Variants in ACAD9 observed in about 807,000 individuals in gnomAD.
ACAD9 encodes the protein complex I assembly factor ACAD9, mitochondrial.
In ACAD9, 53 loss-of-function variants were observed where a neutral mutation model predicts 70.2. That is an observed-to-expected ratio of 0.75 (90% confidence interval 0.61 to 0.95). ACAD9 has a LOEUF of 0.95. Ranked by LOEUF, ACAD9 falls within the 40% of genes least tolerant of loss-of-function variation. The probability of loss-of-function intolerance (pLI) is 0.00; values close to 1 mark genes in which losing one functional copy is unlikely to be tolerated. For missense variants in ACAD9, 777 were observed against 802.8 expected (o/e 0.97, Z 0.39); for synonymous variants, 313 against 312.1 (o/e 1.00, Z -0.03).
In ACAD9 at chr3:128,908,266, T is replaced by G. The variant is rs2107661511; in HGVS notation, c.1358+2T>G. 6.2e-7 allele frequency: 1 copy of G among 1,614,102 alleles called. No homozygotes were observed. The highest frequency in any genetic ancestry group is 8.5e-7 in the Non-Finnish European group (1 of 1,179,998). On this transcript the variant is annotated splice_donor_variant, in intron 13 of 17. Transcript: ENST00000308982. LOFTEE classifies it high-confidence loss of function. ...CCGCATCCTGACTACCAGGATCCAG[T>G]AGGTGCCATTGTCACCGTGTGCTTC...
intron 2 of ACAD9, 82 bp from the exon 3 acceptor site, chr3:128,893,473 T>G: frequency 1.8e-6 from 2 of 1,083,060 alleles, no homozygotes; most frequent in South Asian, 2.8e-5. Context: ...TATATATGAT[T>G]AATATATAAA....
At chr3:128,886,278 T>G (rs1935242710) in intron 2 of ACAD9, among the ~76,000 whole-genome samples, 1 of 151,314 alleles carries the variant, frequency 6.6e-6, no homozygotes, top group Admixed American at 6.6e-5. Context: ...AATTTTTGTA[T>G]TTTTAGTAGA....
intron 15 of ACAD9, 135 bp from the exon 16 acceptor site, chr3:128,909,886 A>G (rs1409158184): frequency 4.0e-6 from 5 of 1,246,680 alleles, no homozygotes; most frequent in Non-Finnish European, 4.6e-6. Flanking sequence ...CACAACCTGA[A>G]GAGAAAGGTG....
chr3:128,910,349 G>A (rs924756353), intron 16 of ACAD9, 200 bp downstream of exon 16: 1 of 1,469,414 alleles, frequency 6.8e-7, no homozygotes, highest in Non-Finnish European at 9.0e-7. Flanking sequence ...AGAAGAGGGG[G>A]TGAGTGACAG....
In ACAD9 at chr3:128,894,658, T is replaced by TC. The variant is rs566691437; in HGVS notation, c.347-650dup. 3.1e-3 allele frequency among the ~76,000 whole-genome samples: 462 copies of TC among 151,458 alleles called. 2 individuals are homozygous for TC. The highest frequency in any genetic ancestry group is 0.011 in the African/African-American group (441 of 41,268). ...TCAAACAATCCTCCCACCTAAGCCT[T>TC]CCAAGTAGCTGGGACTACAGGCGTG... On this transcript the variant is annotated intron_variant, in intron 3 of 17. Transcript: ENST00000308982.
Position 128,895,405 on chromosome 3 carries a change from A to G in ACAD9, c.442A>G (p.Ile148Val), listed in dbSNP as rs202119704. 1.9e-4 allele frequency: 312 copies of G among 1,608,108 alleles called. No individual in the cohort carries two copies. The highest frequency in any genetic ancestry group is 2.5e-4 in the Non-Finnish European group (291 of 1,177,302). Residue 148 changes from isoleucine to valine, a missense_variant, in exon 4 of 18, where the codon ATT becomes GTT. Transcript: ENST00000308982. Reference sequence around the variant, plus strand: ...TGTGACCCTGGCAGCGCACCAGGCTATTGGCCTCAAGGTCAGGTATCTGGG... The same window carrying G: ...TGTGACCCTGGCAGCGCACCAGGCTGTTGGCCTCAAGGTCAGGTATCTGGG... ...ITVTLAAHQA[I>V]GLKGIILAGT...
At position 128,901,288 on chromosome 3, in the gene ACAD9, A is replaced by G. The variant is rs1254578279; in HGVS notation, c.821A>G (p.His274Arg). Reference sequence around the variant, plus strand: ...TCATGTGTTTCAGCTTGTGAAGTCCATTTTGAAAACACCAAGATACCTGTG... The same window carrying G: ...TCATGTGTTTCAGCTTGTGAAGTCCGTTTTGAAAACACCAAGATACCTGTG... ...GIRGSNTCEV[H>R]FENTKIPVEN... Residue 274 changes from histidine (H) to arginine (R), a missense_variant, in exon 8 of 18, where the codon CAT becomes CGT. Transcript: ENST00000308982. 2.5e-6 allele frequency: 4 copies of G among 1,614,092 alleles called. No homozygotes were observed. Among genetic ancestry groups the G allele is most frequent in the Admixed American group, 3.3e-5 (2 of 60,006 alleles).
At chr3:128,898,900 T>C (rs1290386838) in intron 6 of ACAD9, among the ~76,000 whole-genome samples, 1 of 152,240 alleles carries the variant, frequency 6.6e-6, no homozygotes, top group Non-Finnish European at 1.5e-5. Flanking sequence ...CTTTGTAGAA[T>C]TAACAAATAA....
chr3:128,882,984 C>T (rs1258402113), intron 1 of ACAD9, among the ~76,000 whole-genome samples: 1 of 151,984 alleles, frequency 6.6e-6, no homozygotes, highest in Non-Finnish European at 1.5e-5. Flanking sequence ...GCCCATTGCA[C>T]AAGACCCAAG....
chr3:128,897,517 A>G, intron 5 of ACAD9, 115 bp from the exon 6 acceptor site: 1 of 916,530 alleles, frequency 1.1e-6, no homozygotes, highest in Admixed American at 2.0e-5. Context: ...CTGACCCTTC[A>G]TTTTAAAAGT....
At chr3:128,909,547 G>A in intron 15 of ACAD9, 126 bp downstream of exon 15, 1 of 1,050,172 alleles carries the variant, frequency 9.5e-7, no homozygotes, top group South Asian at 1.3e-5. Context: ...CACCCTGGAG[G>A]GATGGGGTGG....
rs11379527 is a variant in ACAD9 at position 128,895,232 on chromosome 3, G to GA, written c.347-68dup. On this transcript the variant is annotated intron_variant, in intron 3 of 17. Coordinates refer to ENST00000308982, the MANE Select transcript of ACAD9 (RefSeq NM_014049.5). Reference sequence around the variant, plus strand: ...ATCTGGCATTACTTTATAATCAGAAGAAAAAAAAAAGCCAATGAAGCCTTA... The same window carrying GA: ...ATCTGGCATTACTTTATAATCAGAAGAAAAAAAAAAAGCCAATGAAGCCTTA... 0.3 allele frequency: 296,113 copies of GA among 985,018 alleles called. 33,997 individuals carry two copies. The highest frequency in any genetic ancestry group is 0.7 in the African/African-American group (38,717 of 55,566). 61.0% of individuals were successfully genotyped at this position (985,018 alleles called of 1,614,324 possible). A position where few individuals can be genotyped will look rare whatever the true frequency, so the allele number is the denominator to read the frequency against.
At chr3:128,903,018 G>A (rs1935785660) in intron 9 of ACAD9, among the ~76,000 whole-genome samples, 1 of 152,194 alleles carries the variant, frequency 6.6e-6, no homozygotes, top group South Asian at 2.1e-4. Flanking sequence ...CCCAAGGTCC[G>A]TGCCTCCTGG....
intron 15 of ACAD9, 73 bp downstream of exon 15, chr3:128,909,494 G>A (rs1236704011): frequency 2.0e-6 from 3 of 1,463,848 alleles, no homozygotes; most frequent in Non-Finnish European, 2.9e-6. Context: ...ACTACTTTTT[G>A]TCAAGCATCC....
At chr3:128,904,256 T>C (rs1935824568) in intron 10 of ACAD9, 124 bp downstream of exon 10, 1 of 1,587,148 alleles carries the variant, frequency 6.3e-7, no homozygotes, top group Admixed American at 1.7e-5. Context: ...AAGGCTTTAT[T>C]TGACACGGGT....
At chr3:128,897,141 A>G (rs1479471072) in intron 5 of ACAD9, among the ~76,000 whole-genome samples, 1 of 152,174 alleles carries the variant, frequency 6.6e-6, no homozygotes, top group Non-Finnish European at 1.5e-5. Flanking sequence ...GATGTATTGA[A>G]GCAGAGGTCG....
At chr3:128,890,183 G>A (rs150454584) in intron 2 of ACAD9, among the ~76,000 whole-genome samples, 6,290 of 151,518 alleles carry the variant, frequency 0.042, 170 homozygotes, top group Non-Finnish European at 0.058. Context: ...CATCTCCCAG[G>A]TTCAAGCGAT....
Position 128,909,438 on chromosome 3 carries a change from A to G in ACAD9, c.1563+17A>G, listed in dbSNP as rs778248016. The G allele has an allele frequency of 6.2e-7, 1 of 1,613,186 alleles. No homozygotes were observed. Among genetic ancestry groups the G allele is most frequent in the Admixed American group, 1.7e-5 (1 of 60,028 alleles). On this transcript the variant is annotated intron_variant, in intron 15 of 17. Transcript: ENST00000308982. Reference sequence around the variant, plus strand: ...TTTGGCAAGGTAACCAGGCCCTCCCAGGCCTGGGTCGCAAGCGGTCCTCCA... The same window carrying G: ...TTTGGCAAGGTAACCAGGCCCTCCCGGGCCTGGGTCGCAAGCGGTCCTCCA...
chr3:128,886,304 T>C (rs1223735640), intron 2 of ACAD9, among the ~76,000 whole-genome samples: 1 of 151,810 alleles, frequency 6.6e-6, no homozygotes, highest in Non-Finnish European at 1.5e-5. Flanking sequence ...GGTTTCACTA[T>C]GTTGGCCAGG....
Sources: gnomAD v4.1 joint callset for allele counts (sites outside exome capture counted in the v4.1 genomes callset) on GRCh38, gnomAD v4.1.1 for gene constraint, MANE v1.5 for transcripts, NCBI Gene and HGNC (gene_info 2026-07-23, HGNC 2026-07-21) for gene names.